NBPF15: variants seen among roughly 807,000 people sequenced by gnomAD.
NBPF15 encodes NBPF member 15.
In NBPF15, 74 loss-of-function variants were observed where a neutral mutation model predicts 62.2. The ratio of observed to expected loss-of-function variants is 1.19; its 90% CI spans 0.99 to 1.44. The LOEUF (loss-of-function observed/expected upper bound fraction) is 1.44, where lower values mean the gene tolerates loss of function less well. Among genes scored for constraint, NBPF15 ranks in the 40% most tolerant of loss-of-function variants. NBPF15 has a pLI of 0.00. For missense variants in NBPF15, 790 were observed against 550.0 expected (o/e 1.44, Z -4.36); for synonymous variants, 244 against 209.7 (o/e 1.16, Z -1.41).
At chr1:144,438,457 C>G in intron 8 of NBPF15, among the ~76,000 whole-genome samples, 1 of 151,960 alleles carries the variant, frequency 6.6e-6, no homozygotes, top group African/African-American at 2.4e-5. Flanking sequence ...CTGATGGTTT[C>G]CCTTTTACTG....
At position 144,427,736 on chromosome 1, in the gene NBPF15, A is replaced by G. The variant is rs1300468757; in HGVS notation, c.1213+82T>C. ...CTGTGGCAATGACATCTCTCAGCTC[A>G]GTAAGGGCCACTTGCAGTAGGAATA... is the stretch of plus-strand genomic sequence containing the variant. On this transcript the variant is annotated intron_variant, in intron 16 of 21. Coordinates refer to ENST00000581897, the MANE Select transcript of NBPF15 (RefSeq NM_001385408.1). 1.8e-4 allele frequency: 107 copies of G among 603,306 alleles called. No individual in the cohort carries two copies. The East Asian group carries it at 2.5e-3, about 14-fold the overall frequency. 37.4% of individuals were successfully genotyped at this position (603,306 alleles called of 1,614,324 possible).
chr1:144,434,815 G>C (rs1375268933), intron 12 of NBPF15, among the ~76,000 whole-genome samples: 3 of 151,972 alleles, frequency 2.0e-5, no homozygotes, highest in Non-Finnish European at 2.9e-5. Flanking sequence ...CTTAATCACA[G>C]ATGACAAGAG....
intron 6 of NBPF15, among the ~76,000 whole-genome samples, chr1:144,448,323 A>C (rs1179167892): frequency 6.6e-6 from 1 of 151,930 alleles, no homozygotes; most frequent in Admixed American, 6.6e-5. Flanking sequence ...CCAGTTGAAA[A>C]ACCTTTGTCT....
intron 4 of NBPF15, among the ~76,000 whole-genome samples, chr1:144,455,792 G>A (rs1221363716): frequency 2.0e-5 from 3 of 151,806 alleles, no homozygotes; most frequent in Non-Finnish European, 2.9e-5. Flanking sequence ...CTGCAGTGGT[G>A]GGTTCCATGG....
Position 144,422,858 on chromosome 1 carries a change from T to C in NBPF15, c.*155A>G, listed in dbSNP as rs1185259676. ...CCATTGTCTTCAGATTGAGCACAGG[T>C]TGCCAATGGCATGGTTTGAGAATAG... On this transcript the variant is annotated 3_prime_UTR_variant, in exon 22 of 22. Coordinates refer to ENST00000581897, the MANE Select transcript of NBPF15 (RefSeq NM_001385408.1). The C allele has an allele frequency of 6.4e-7, 1 of 1,562,134 alleles. No homozygotes were observed. Among genetic ancestry groups the C allele is most frequent in the Non-Finnish European group, 8.7e-7 (1 of 1,152,466 alleles).
chr1:144,442,195 GTATATATATTATTAATATATATAA>G lies in NBPF15; in HGVS notation c.-190-1924_-190-1901del, dbSNP rs1553542891. Among the ~76,000 whole-genome samples the G allele has an allele frequency of 7.0e-3, 676 of 96,524 alleles. 62 individuals are homozygous for G. Among genetic ancestry groups the G allele is most frequent in the South Asian group, 0.035 (114 of 3,278 alleles). 63.3% of individuals were successfully genotyped at this position (96,524 alleles called of 152,430 possible). A position where few individuals can be genotyped will look rare whatever the true frequency, so the allele number is the denominator to read the frequency against. ...ATATATATATAATATATATACACGT[GTATATATATTATTAATATATATAA>G]TATATATATTAATAATATATATTAT... On this transcript the variant is annotated intron_variant, in intron 6 of 21. Coordinates refer to ENST00000581897, the MANE Select transcript of NBPF15 (RefSeq NM_001385408.1).
intron 16 of NBPF15, 27 bp from the exon 17 acceptor site, chr1:144,427,125 C>T (rs1422700693): frequency 8.9e-6 from 5 of 563,748 alleles, no homozygotes; most frequent in African/African-American, 4.5e-5. Flanking sequence ...CATGGACAGA[C>T]ATATTAAGCT....
rs782660412 is a variant in NBPF15 at position 144,423,256 on chromosome 1, C to T, written c.1770G>A (p.Arg590=). 2.5e-6 allele frequency: 4 copies of T among 1,611,174 alleles called. No individual in the cohort carries two copies. The highest frequency in any genetic ancestry group is 2.2e-5 in the South Asian group (2 of 90,964). ...CCACTTCCATCAGCACGCCGTAGAG[C>T]CTGGAAAAGGAGACAAAACTAAAGA... The part of the protein sequence containing the change: ...EGEDDNPPCP[R]LYGVLMEVEE... Residue 590 remains arginine, a splice_region_variant and synonymous_variant, in exon 22 of 22, where the codon AGG becomes AGA. Transcript: ENST00000581897.
chr1:144,453,624 T>A (rs1319070485), intron 4 of NBPF15, among the ~76,000 whole-genome samples: 3 of 47,920 alleles, frequency 6.3e-5, no homozygotes, highest in East Asian at 8.4e-4. Context: ...TTCTGAGAAC[T>A]AAACAACACA....
intron 21 of NBPF15, 29 bp from the exon 22 acceptor site, chr1:144,423,285 A>C: frequency 6.2e-7 from 1 of 1,611,550 alleles, no homozygotes; most frequent in Non-Finnish European, 8.5e-7. Context: ...CTAAAGAAGC[A>C]GCCAGGGAAA....
chr1:144,458,017 G>A (rs1445459170), intron 3 of NBPF15, among the ~76,000 whole-genome samples: 4 of 151,688 alleles, frequency 2.6e-5, no homozygotes, highest in South Asian at 4.2e-4. Flanking sequence ...AGCCTGAGAG[G>A]TCAAGGCTGC....
At chr1:144,424,205 A>G (rs1299868457) in intron 20 of NBPF15, among the ~76,000 whole-genome samples, 1 of 152,036 alleles carries the variant, frequency 6.6e-6, no homozygotes, top group Non-Finnish European at 1.5e-5. Context: ...TTATCCCAAT[A>G]ACATTTGTCC....
chr1:144,434,437 G>T (rs1676685418), intron 12 of NBPF15, among the ~76,000 whole-genome samples: 1 of 147,696 alleles, frequency 6.8e-6, no homozygotes, highest in Admixed American at 6.8e-5. Flanking sequence ...GGAGGGAGAG[G>T]TTGCACCAAG....
intron 15 of NBPF15, 75 bp from the exon 16 acceptor site, chr1:144,428,065 C>A (rs1161841455): frequency 3.8e-6 from 3 of 783,350 alleles, no homozygotes; most frequent in Non-Finnish European, 7.1e-6. Flanking sequence ...GATTTCATGG[C>A]TAACATAAGG....
Position 144,423,135 on chromosome 1 carries a change from C to G in NBPF15, c.1891G>C (p.Val631Leu), listed in dbSNP as rs782350345. The change falls in exon 22 of 22, where the codon GTG becomes CTG. Residue 631 changes from valine to leucine, a missense_variant. Physicochemically the swap from Val to Leu is conservative, Grantham distance 32 (BLOSUM62 1). Transcript: ENST00000581897. ...TGCTCTTCCTCAAATGAGTAAAACACACTTCTGTAGTGCTGGAATGAGTCA... is the reference window on the plus strand; with the variant it reads ...TGCTCTTCCTCAAATGAGTAAAACAGACTTCTGTAGTGCTGGAATGAGTCA... ...QPDSFQHYRS[V>L]FYSFEEEHIS... 62 of 1,611,476 alleles carry G rather than the reference C, an allele frequency of 3.8e-5. 1 individual carries two copies. Among genetic ancestry groups the G allele is most frequent in the Admixed American group, 8.3e-5 (5 of 59,974 alleles).
At chr1:144,461,061 A>G (rs1185055032) in intron 1 of NBPF15, 100 bp from the exon 2 acceptor site, 4 of 150,666 alleles carry the variant, frequency 2.7e-5, no homozygotes, top group African/African-American at 9.8e-5. Context: ...CCCCAGAGGC[A>G]ACCGATTTCT....
At chr1:144,445,345 A>G (rs1558614135) in intron 6 of NBPF15, among the ~76,000 whole-genome samples, 1 of 125,710 alleles carries the variant, frequency 8.0e-6, no homozygotes, top group African/African-American at 3.3e-5. Flanking sequence ...ATATATATAT[A>G]TATATATATA....
At chr1:144,428,240 G>A (rs1671381270) in intron 15 of NBPF15, among the ~76,000 whole-genome samples, 1 of 151,560 alleles carries the variant, frequency 6.6e-6, no homozygotes, top group Non-Finnish European at 1.5e-5. Flanking sequence ...TTGGTCAGGT[G>A]ACACACTGAT....
intron 6 of NBPF15, among the ~76,000 whole-genome samples, chr1:144,444,429 G>T (rs1479710452): frequency 1.3e-5 from 2 of 151,810 alleles, no homozygotes; most frequent in South Asian, 4.2e-4. Context: ...TTTACTGGGG[G>T]TCTGAAGAAA....
Sources: allele counts gnomAD v4.1 joint callset (sites outside exome capture counted in the v4.1 genomes callset), GRCh38; gene constraint gnomAD v4.1.1; transcripts MANE v1.5; gene names NCBI Gene and HGNC (gene_info 2026-07-23, HGNC 2026-07-21).